Variants in TIGD5 observed in about 807,000 individuals in gnomAD.
TIGD5 encodes tigger transposable element-derived protein 5.
TIGD5 carries 24 observed loss-of-function variants against 28.8 expected under a neutral mutation model. That is an observed-to-expected ratio of 0.83 (90% CI 0.60 to 1.17). The LOEUF (loss-of-function observed/expected upper bound fraction) is 1.17, where lower values mean the gene tolerates loss of function less well. TIGD5 is among the 50% of genes most tolerant of loss of function. TIGD5 has a pLI of 0.00. For synonymous variants in TIGD5, 538 were observed against 430.5 expected, an observed-to-expected ratio of 1.25 and a Z score of -3.09; for missense variants, 922 against 911.4, an observed-to-expected ratio of 1.01 and a Z score of -0.15.
chr8:143,598,502 G>T lies in TIGD5; in HGVS notation c.599G>T (p.Gly200Val), dbSNP rs1425133779. The change falls in exon 1 of 1, where the codon GGC becomes GTC. Residue 200 changes from glycine (G) to valine (V), a missense_variant. By Grantham distance (109) the Gly-to-Val change is moderately radical. Coordinates refer to ENST00000504548, the MANE Select transcript of TIGD5 (RefSeq NM_032862.5). The surrounding 1 kb of genome is among the most constrained non-coding windows in gnomAD (Gnocchi z 6.6). ...CCCCCAGCCCCGAGCCCCGCGCCCG[G>T]CCCGCCCGTCAAGGAGGAGCCCGCG... ...AGPPAPSPAPGPPVKEEPALP... is the reference protein window; with the variant it reads ...AGPPAPSPAPVPPVKEEPALP... 7.6e-5 allele frequency: 104 copies of T among 1,369,244 alleles called. No individual in the cohort carries two copies. Among genetic ancestry groups the T allele is most frequent in the Middle Eastern group, 2.7e-4 (1 of 3,738 alleles). The allele number at this position is 1,369,244 out of a possible 1,614,324, so 84.8% of individuals were successfully genotyped here.
rs1829137636 is a variant in TIGD5, at chr8:143,598,285, G to T, written c.382G>T (p.Val128Leu). ...LANEEEIDRA[V>L]YAWFLALRQH... ...CAACGAGGAGGAGATCGACCGCGCCGTGTACGCCTGGTTCCTGGCGCTGCG... is the reference window on the plus strand; with the variant it reads ...CAACGAGGAGGAGATCGACCGCGCCTTGTACGCCTGGTTCCTGGCGCTGCG... Residue 128 changes from valine (V) to leucine (L), a missense_variant, in exon 1 of 1, where the codon GTG (valine) becomes TTG (leucine). By Grantham distance (32) the Val-to-Leu change is conservative. Transcript: ENST00000504548. The surrounding 1 kb of genome is among the most constrained non-coding windows in gnomAD (Gnocchi z 6.6). 1 of 1,609,516 alleles carries T rather than the reference G, an allele frequency of 6.2e-7. No homozygotes were observed. The highest frequency in any genetic ancestry group is 1.1e-5 in the South Asian group (1 of 90,876).
At position 143,599,605 on chromosome 8, in the gene TIGD5, A is replaced by T. The variant is rs776108821; in HGVS notation, c.1702A>T (p.Met568Leu). The change falls in exon 1 of 1, where the codon ATG (methionine) becomes TTG (leucine). Residue 568 changes from methionine (M) to leucine (L), a missense_variant. By Grantham distance (15) the Met-to-Leu change is conservative. This residue lies in a region of TIGD5 where 821 missense variants were observed against 815.2 expected (regional missense o/e 1.01). Coordinates refer to ENST00000504548, the MANE Select transcript of TIGD5 (RefSeq NM_032862.5). ...GGCCCCAGCCAGTCTGCCCTCTGCC[A>T]TGGGGGGCGGAGAGGACGAGGAGGA... ...PPAPASLPSA[M>L]GGGEDEEEAT... 1.3e-6 allele frequency: 2 copies of T among 1,533,316 alleles called. No homozygotes were observed. The highest frequency in any genetic ancestry group is 4.3e-5 in the Admixed American group (2 of 46,402). The allele number at this position is 1,533,316 out of a possible 1,614,324, so 95.0% of individuals were successfully genotyped here.
Position 143,602,719 on chromosome 8 carries a change from G to A in TIGD5, c.*2887G>A, listed in dbSNP as rs942509550. On this transcript the variant is annotated 3_prime_UTR_variant, in exon 1 of 1. Transcript: ENST00000504548. ...GGTACAGCCAGCTGTCCTCAGCTCA[G>A]ATGGCCCCCAAGAGCCCCCAGCTCC... is the stretch of plus-strand genomic sequence containing the variant. 1 of 152,410 alleles carries A rather than the reference G, an allele frequency of 6.6e-6. No homozygotes were observed. The highest frequency in any genetic ancestry group is 1.5e-5 in the Non-Finnish European group (1 of 68,164). The allele number at this position is 152,410 out of a possible 1,614,324, so 9.4% of individuals were successfully genotyped here.
In TIGD5 at chr8:143,601,797, G is replaced by A. The variant is rs115791742; in HGVS notation, c.*1965G>A. 0.057 allele frequency: 8,651 copies of A among 152,236 alleles called. 299 individuals carry two copies. Among genetic ancestry groups the A allele is most frequent in the Middle Eastern group, 0.088 (26 of 294 alleles). 9.4% of individuals were successfully genotyped at this position (152,236 alleles called of 1,614,324 possible). ...TATAAACAAGGCAGCACTAATTTTT[G>A]CTATAAGATAAAAGAGGCCAGGCAC... On this transcript the variant is annotated 3_prime_UTR_variant, in exon 1 of 1. Coordinates refer to ENST00000504548, the MANE Select transcript of TIGD5 (RefSeq NM_032862.5).
At position 143,599,232 on chromosome 8, in the gene TIGD5, C is replaced by T; in HGVS notation, c.1329C>T (p.Gly443=). The part of the protein sequence containing the change: ...LLRLAVSCAS[G]SPLDFMRSFM... ...GACTGGCTGTGTCCTGCGCCAGCGGCTCCCCGCTGGACTTCATGCGCAGCT... is the reference window on the plus strand; with the variant it reads ...GACTGGCTGTGTCCTGCGCCAGCGGTTCCCCGCTGGACTTCATGCGCAGCT... The change falls in exon 1 of 1, where the codon GGC becomes GGT. Residue 443 remains glycine, a synonymous_variant. Transcript: ENST00000504548. The T allele has an allele frequency of 1.2e-6, 2 of 1,611,638 alleles. No individual in the cohort carries two copies. The highest frequency in any genetic ancestry group is 1.7e-6 in the Non-Finnish European group (2 of 1,179,680).
chr8:143,598,065 G>A lies in TIGD5; in HGVS notation c.162G>A (p.Lys54=). The A allele has an allele frequency of 6.8e-7, 1 of 1,480,774 alleles. No homozygotes were observed. The highest frequency in any genetic ancestry group is 8.9e-7 in the Non-Finnish European group (1 of 1,121,662). 91.7% of individuals were successfully genotyped at this position (1,480,774 alleles called of 1,614,324 possible). A position where few individuals can be genotyped will look rare whatever the true frequency, so the allele number is the denominator to read the frequency against. ...PRVAVKMAFR[K]AYSIKDKLQA... ...TGGCCGTGAAGATGGCCTTCCGCAA[G>A]GCCTACTCCATCAAGGACAAGCTGC... The change falls in exon 1 of 1, where the codon AAG becomes AAA. Residue 54 remains lysine, a synonymous_variant. Transcript: ENST00000504548. This position sits in a 1 kb window ranked among gnomAD's most constrained non-coding sequence, Gnocchi z 6.6.
chr8:143,597,966 GCC>G lies in TIGD5; in HGVS notation c.68_69del (p.Pro23ArgfsTer85). 1 of 895,746 alleles carries G rather than the reference GCC, an allele frequency of 1.1e-6. No homozygotes were observed. The highest frequency in any genetic ancestry group is 1.3e-6 in the Non-Finnish European group (1 of 749,176). 55.5% of individuals were successfully genotyped at this position (895,746 alleles called of 1,614,324 possible). On this transcript the variant is annotated frameshift_variant, in exon 1 of 1. Transcript: ENST00000504548. LOFTEE classifies it high-confidence loss of function. ...PRRGRRPLPGPPAPAPAPVPA... is the reference protein window; with the variant it reads ...PRRGRRPLPGXPAPAPAPVPA... ...GCCGCGGCCGCCGTCCCCTGCCCGG[GCC>G]CCCCGCGCCCGCCCCAGCCCCCGTC...
In TIGD5 at chr8:143,599,886, A is replaced by G. The variant is rs1829232767; in HGVS notation, c.*54A>G. On this transcript the variant is annotated 3_prime_UTR_variant, in exon 1 of 1. Coordinates refer to ENST00000504548, the MANE Select transcript of TIGD5 (RefSeq NM_032862.5). ...CTGCACTTGGAGGGAGGGGACATAC[A>G]CACAGTCTCCCATCTCTCCTCCCCT... 9 of 1,427,722 alleles carry G rather than the reference A, an allele frequency of 6.3e-6. No individual in the cohort carries two copies. The highest frequency in any genetic ancestry group is 7.3e-6 in the Non-Finnish European group (8 of 1,098,128). The allele number at this position is 1,427,722 out of a possible 1,614,324, so 88.4% of individuals were successfully genotyped here. A position where few individuals can be genotyped will look rare whatever the true frequency, so the allele number is the denominator to read the frequency against.
Position 143,598,688 on chromosome 8 carries a change from G to A in TIGD5, c.785G>A (p.Gly262Glu), listed in dbSNP as rs1439401281. 1.3e-6 allele frequency: 2 copies of A among 1,500,902 alleles called. No individual in the cohort carries two copies. The highest frequency in any genetic ancestry group is 2.3e-5 in the Admixed American group (1 of 43,548). 93.0% of individuals were successfully genotyped at this position (1,500,902 alleles called of 1,614,324 possible). Residue 262 changes from glycine (G) to glutamate (E), a missense_variant, in exon 1 of 1, where the codon GGG (glycine) becomes GAG (glutamate). Gly to Glu is a moderately conservative substitution (Grantham distance 98, BLOSUM62 -2). Coordinates refer to ENST00000504548, the MANE Select transcript of TIGD5 (RefSeq NM_032862.5). This position sits in a 1 kb window ranked among gnomAD's most constrained non-coding sequence, Gnocchi z 6.6. ...QAAPPGAGDP[G>E]AGGCGRRWRG... ...GCGCCCCCGGGCGCAGGGGACCCCG[G>A]GGCGGGGGGCTGTGGCCGGCGCTGG...
In TIGD5 at chr8:143,599,534, G is replaced by A. The variant is rs1416132074; in HGVS notation, c.1631G>A (p.Gly544Asp). 1 of 1,579,996 alleles carries A rather than the reference G, an allele frequency of 6.3e-7. No homozygotes were observed. Residue 544 changes from glycine (G) to aspartate (D), a missense_variant, in exon 1 of 1, where the codon GGC (glycine) becomes GAC (aspartate). By Grantham distance (94) the Gly-to-Asp change is moderately conservative (BLOSUM62 -1). Around this residue, in one of 3 missense-constraint regions of TIGD5, gnomAD observed 821 missense variants for 815.2 expected, o/e 1.01. Transcript: ENST00000504548. ...HLDDDGGPPE[G>D]CREEVGPALP... ...GACGATGATGGGGGTCCGCCCGAGG[G>A]CTGCAGGGAGGAGGTGGGCCCAGCC... is the stretch of plus-strand genomic sequence containing the variant.
chr8:143,598,738 C>T lies in TIGD5; in HGVS notation c.835C>T (p.Leu279=). 1 of 1,555,620 alleles carries T rather than the reference C, an allele frequency of 6.4e-7. No individual in the cohort carries two copies. The highest frequency in any genetic ancestry group is 1.2e-5 in the South Asian group (1 of 85,752). The part of the protein sequence containing the change: ...RWRGDRVTVL[L]AANLTGSHKL... ...GCGGGGCGACCGCGTAACGGTGCTGCTGGCCGCAAACCTGACCGGCAGCCA... is the reference window on the plus strand; with the variant it reads ...GCGGGGCGACCGCGTAACGGTGCTGTTGGCCGCAAACCTGACCGGCAGCCA... Residue 279 remains leucine (L), a synonymous_variant, in exon 1 of 1, where the codon CTG becomes TTG. Transcript: ENST00000504548. The surrounding 1 kb of genome is among the most constrained non-coding windows in gnomAD (Gnocchi z 6.6).
chr8:143,599,911 T>C lies in TIGD5; in HGVS notation c.*79T>C. On this transcript the variant is annotated 3_prime_UTR_variant, in exon 1 of 1. Transcript: ENST00000504548. ...ACACAGTCTCCCATCTCTCCTCCCC[T>C]CCCCCTGGGGTGGCCCACCGCATGG... 5.9e-6 allele frequency: 8 copies of C among 1,360,598 alleles called. No homozygotes were observed. The highest frequency in any genetic ancestry group is 2.7e-5 in the East Asian group (1 of 37,696). 84.3% of individuals were successfully genotyped at this position (1,360,598 alleles called of 1,614,324 possible).
In TIGD5 at chr8:143,599,917, T is replaced by G. The variant is rs2131390574; in HGVS notation, c.*85T>G. ...TCTCCCATCTCTCCTCCCCTCCCCC[T>G]GGGGTGGCCCACCGCATGGGTACAG... On this transcript the variant is annotated 3_prime_UTR_variant, in exon 1 of 1. Coordinates refer to ENST00000504548, the MANE Select transcript of TIGD5 (RefSeq NM_032862.5). 2 of 1,369,568 alleles carry G rather than the reference T, an allele frequency of 1.5e-6. No homozygotes were observed. The highest frequency in any genetic ancestry group is 5.3e-5 in the East Asian group (2 of 37,864). 84.8% of individuals were successfully genotyped at this position (1,369,568 alleles called of 1,614,324 possible). A position where few individuals can be genotyped will look rare whatever the true frequency, so the allele number is the denominator to read the frequency against.
At position 143,598,259 on chromosome 8, in the gene TIGD5, C is replaced by T. The variant is rs1204310769; in HGVS notation, c.356C>T (p.Ala119Val). Residue 119 changes from alanine (A) to valine (V), a missense_variant, in exon 1 of 1, where the codon GCC becomes GTC. Coordinates refer to ENST00000504548, the MANE Select transcript of TIGD5 (RefSeq NM_032862.5). The surrounding 1 kb of genome is among the most constrained non-coding windows in gnomAD (Gnocchi z 6.6). Reference protein sequence around the residue: ...VGTQRKKMRLANEEEIDRAVY... With the variant: ...VGTQRKKMRLVNEEEIDRAVY... ...ACTCAGCGCAAGAAGATGCGGCTGG[C>T]CAACGAGGAGGAGATCGACCGCGCC... 3 of 1,609,318 alleles carry T rather than the reference C, an allele frequency of 1.9e-6. No individual in the cohort carries two copies. Among genetic ancestry groups the T allele is most frequent in the East Asian group, 2.2e-5 (1 of 44,558 alleles).
rs1302101893 is a variant in TIGD5, at chr8:143,602,624, C to T, written c.*2792C>T. On this transcript the variant is annotated 3_prime_UTR_variant, in exon 1 of 1. Transcript: ENST00000504548. ...AGCCGTGGCTGCCTGCGGGCTCTGG[C>T]CTCCGCTCTGGCAGATTCTGCACAT... The T allele has an allele frequency of 2.6e-5, 4 of 152,306 alleles. No homozygotes were observed. Among genetic ancestry groups the T allele is most frequent in the African/African-American group, 9.6e-5 (4 of 41,476 alleles). The allele number at this position is 152,306 out of a possible 1,614,324, so 9.4% of individuals were successfully genotyped here.
rs1162329681 is a variant in TIGD5 at position 143,598,913 on chromosome 8, T to C, written c.1010T>C (p.Val337Ala). 1 of 1,596,344 alleles carries C rather than the reference T, an allele frequency of 6.3e-7. No homozygotes were observed. The highest frequency in any genetic ancestry group is 8.5e-7 in the Non-Finnish European group (1 of 1,178,806). The change falls in exon 1 of 1, where the codon GTC becomes GCC. Residue 337 changes from valine to alanine, a missense_variant. By Grantham distance (64) the Val-to-Ala change is moderately conservative. Transcript: ENST00000504548. This position sits in a 1 kb window ranked among gnomAD's most constrained non-coding sequence, Gnocchi z 6.6. The part of the protein sequence containing the change: ...LLRGWFFEEF[V>A]PGVKRYLRRS... The stretch of plus-strand genomic sequence containing the variant: ...CGGGGCTGGTTCTTTGAGGAATTTG[T>C]CCCAGGCGTCAAACGCTACCTGCGC...
In TIGD5 at chr8:143,598,200, C is replaced by A; in HGVS notation, c.297C>A (p.Arg99=). The change falls in exon 1 of 1, where the codon CGC becomes CGA. Residue 99 remains arginine (R), a synonymous_variant. Transcript: ENST00000504548. The surrounding 1 kb of genome is among the most constrained non-coding windows in gnomAD (Gnocchi z 6.6). ...RGWLKDEPKL[R]WFLEQLGGEV... ...GGCTCAAGGACGAGCCCAAGCTGCG[C>A]TGGTTCCTGGAGCAGCTGGGCGGTG... 1 of 1,606,924 alleles carries A rather than the reference C, an allele frequency of 6.2e-7. No homozygotes were observed. The highest frequency in any genetic ancestry group is 8.5e-7 in the Non-Finnish European group (1 of 1,177,618).
Position 143,599,249 on chromosome 8 carries a change from T to C in TIGD5, c.1346T>C (p.Met449Thr). The C allele has an allele frequency of 3.7e-6, 6 of 1,611,718 alleles. No homozygotes were observed. The highest frequency in any genetic ancestry group is 5.1e-6 in the Non-Finnish European group (6 of 1,179,662). Residue 449 changes from methionine (M) to threonine (T), a missense_variant, in exon 1 of 1, where the codon ATG (methionine) becomes ACG (threonine). By Grantham distance (81) the Met-to-Thr change is moderately conservative. This residue lies in a region of TIGD5 where 821 missense variants were observed against 815.2 expected (regional missense o/e 1.01). Transcript: ENST00000504548. ...SCASGSPLDF[M>T]RSFMLKDMLY... The stretch of plus-strand genomic sequence containing the variant: ...GCCAGCGGCTCCCCGCTGGACTTCA[T>C]GCGCAGCTTCATGCTCAAGGACATG...
rs533812738 is a variant in TIGD5, at chr8:143,601,483, G to C, written c.*1651G>C. On this transcript the variant is annotated 3_prime_UTR_variant, in exon 1 of 1. Transcript: ENST00000504548. ...AAGGCGGGGACACCACCTCTGCTCTGCCAGGCCTGCCTCCAGGGCTCTGAG... is the reference window on the plus strand; with the variant it reads ...AAGGCGGGGACACCACCTCTGCTCTCCCAGGCCTGCCTCCAGGGCTCTGAG... The C allele has an allele frequency of 6.6e-6, 1 of 152,518 alleles. No individual in the cohort carries two copies. Among genetic ancestry groups the C allele is most frequent in the East Asian group, 1.9e-4 (1 of 5,184 alleles). The allele number at this position is 152,518 out of a possible 1,614,324, so 9.4% of individuals were successfully genotyped here.
Sources: allele counts gnomAD v4.1 joint callset, GRCh38; gene constraint gnomAD v4.1.1; regional missense constraint gnomAD v4.1.1; non-coding constraint Gnocchi (gnomAD v3.1); transcripts MANE v1.5; gene names NCBI Gene and HGNC (gene_info 2026-07-23, HGNC 2026-07-21).